RCAN2: variants seen among roughly 807,000 people sequenced by gnomAD.
RCAN2 encodes calcipressin-2.
Under a neutral mutation model 23.6 loss-of-function variants are expected in RCAN2, and 9 were observed. That is an observed-to-expected ratio of 0.38 (90% CI 0.23 to 0.67). RCAN2 has a LOEUF of 0.67. Among genes scored for constraint, RCAN2 ranks in the 30% least tolerant of loss-of-function variants. The pLI is 0.51. For missense variants in RCAN2, 273 were observed against 302.3 expected (o/e 0.90, Z 0.72); for synonymous variants, 109 against 115.7 (o/e 0.94, Z 0.37).
intron 2 of RCAN2, among the ~76,000 whole-genome samples, chr6:46,280,841 G>C (rs149621560): frequency 0.013 from 1,978 of 152,234 alleles, 43 homozygotes; most frequent in African/African-American, 0.045. Flanking sequence ...GAGGTATGTG[G>C]ACACACATGC....
Position 46,379,631 on chromosome 6 carries a change from T to G in RCAN2, c.225+77121A>C, listed in dbSNP as rs1472388582. On this transcript the variant is annotated intron_variant, in intron 2 of 4. Coordinates refer to ENST00000371374, the MANE Select transcript of RCAN2 (RefSeq NM_001251974.2). ...TAAATGAAATGATGTTTGGGGGATT[T>G]GAACAATCATCTCATGATTTAAGCC... Among the ~76,000 whole-genome samples, 7 of 152,316 alleles carry G rather than the reference T, an allele frequency of 4.6e-5. No homozygotes were observed. The East Asian group carries it at 1.2e-3, about 25-fold the overall frequency.
intron 2 of RCAN2, among the ~76,000 whole-genome samples, chr6:46,260,585 T>G (rs1306358568): frequency 6.6e-6 from 1 of 152,196 alleles, no homozygotes; most frequent in South Asian, 2.1e-4. Flanking sequence ...CCTAGGGCTC[T>G]TGTTGTTCTG....
At chr6:46,265,829 G>A (rs1283188272) in intron 2 of RCAN2, among the ~76,000 whole-genome samples, 1 of 151,504 alleles carries the variant, frequency 6.6e-6, no homozygotes, top group Non-Finnish European at 1.5e-5. Context: ...TTTACAAAAT[G>A]ATTCTAGTTA....
chr6:46,244,364 G>A (rs973932475), intron 4 of RCAN2, among the ~76,000 whole-genome samples: 3 of 151,752 alleles, frequency 2.0e-5, no homozygotes, highest in African/African-American at 7.3e-5. Context: ...TCCCTTCCGG[G>A]GCCTAATTTC....
intron 2 of RCAN2, among the ~76,000 whole-genome samples, chr6:46,270,103 T>C (rs1767475822): frequency 6.6e-6 from 1 of 152,066 alleles, no homozygotes; most frequent in East Asian, 1.9e-4. Flanking sequence ...CACTACACCC[T>C]GGATGGGAAG....
intron 2 of RCAN2, among the ~76,000 whole-genome samples, chr6:46,274,312 C>A (rs544161840): frequency 6.6e-6 from 1 of 152,196 alleles, no homozygotes; most frequent in Non-Finnish European, 1.5e-5. Flanking sequence ...AGGTCATCTA[C>A]TGCCTCAACT....
intron 2 of RCAN2, among the ~76,000 whole-genome samples, chr6:46,420,231 C>T (rs976699524): frequency 1.3e-5 from 2 of 151,450 alleles, no homozygotes; most frequent in Non-Finnish European, 2.9e-5. Context: ...TAGTTATCAT[C>T]GTATCACTAA....
intron 2 of RCAN2, among the ~76,000 whole-genome samples, chr6:46,406,964 C>A (rs1226601091): frequency 3.3e-5 from 5 of 152,184 alleles, no homozygotes; most frequent in Non-Finnish European, 5.9e-5. Flanking sequence ...CTGGTCCCTC[C>A]AGACCTTTCC....
At chr6:46,345,036 AT>A (rs1300177225) in intron 2 of RCAN2, among the ~76,000 whole-genome samples, 1 of 152,088 alleles carries the variant, frequency 6.6e-6, no homozygotes, top group Non-Finnish European at 1.5e-5. Flanking sequence ...CATATTTTAA[AT>A]CTAAAGACAC....
intron 2 of RCAN2, among the ~76,000 whole-genome samples, chr6:46,383,107 A>C (rs1274662579): frequency 6.6e-6 from 1 of 152,058 alleles, no homozygotes; most frequent in Non-Finnish European, 1.5e-5. Flanking sequence ...TAAAAGTGAT[A>C]AGAGTAGAGA....
chr6:46,263,513 A>ATGTGTGTGTGTG (rs1267211253), intron 2 of RCAN2, among the ~76,000 whole-genome samples: 9 of 56,328 alleles, frequency 1.6e-4, no homozygotes, highest in East Asian at 4.9e-4. Flanking sequence ...ATGTGTGTGT[A>ATGTGTGTGTGTG]TGTGTGTATG....
At chr6:46,488,292 C>T (rs60870678) in intron 1 of RCAN2, among the ~76,000 whole-genome samples, 19,799 of 152,236 alleles carry the variant, frequency 0.13, 1,941 homozygotes, top group African/African-American at 0.24. Flanking sequence ...TCTTGTCAGT[C>T]ATCTGAGAAT....
intron 2 of RCAN2, among the ~76,000 whole-genome samples, chr6:46,385,483 C>T (rs1274190078): frequency 1.3e-5 from 2 of 152,136 alleles, no homozygotes; most frequent in African/African-American, 4.8e-5. Flanking sequence ...GCTGGGAAAA[C>T]GGGCTAGCCA....
chr6:46,408,872 C>T (rs1766480009), intron 2 of RCAN2, among the ~76,000 whole-genome samples: 1 of 152,098 alleles, frequency 6.6e-6, no homozygotes, highest in East Asian at 1.9e-4. Flanking sequence ...CTGTTTACTC[C>T]TACACATTGT....
At chr6:46,419,738 G>C (rs188105084) in intron 2 of RCAN2, among the ~76,000 whole-genome samples, 19 of 152,270 alleles carry the variant, frequency 1.2e-4, no homozygotes, top group Admixed American at 3.3e-4. Context: ...ATGAAGACCA[G>C]CAGATGGCAG....
At chr6:46,240,963 T>C (rs980395828) in intron 4 of RCAN2, among the ~76,000 whole-genome samples, 8 of 152,166 alleles carry the variant, frequency 5.3e-5, no homozygotes, top group African/African-American at 1.2e-4. Context: ...CTAAAATTGA[T>C]CTTCCTAACA....
chr6:46,270,315 T>C (rs1767482058), intron 2 of RCAN2, among the ~76,000 whole-genome samples: 1 of 152,146 alleles, frequency 6.6e-6, no homozygotes, highest in African/African-American at 2.4e-5. Context: ...TGAGGGGCAA[T>C]GGGCCTCCGC....
At chr6:46,450,204 CT>C (rs1355023999) in intron 2 of RCAN2, among the ~76,000 whole-genome samples, 1 of 151,908 alleles carries the variant, frequency 6.6e-6, no homozygotes, top group Non-Finnish European at 1.5e-5. Context: ...TTAAAAAGTA[CT>C]CAACTATGCT....
At chr6:46,437,200 A>G (rs776028480) in intron 2 of RCAN2, among the ~76,000 whole-genome samples, 2 of 152,166 alleles carry the variant, frequency 1.3e-5, no homozygotes, top group Non-Finnish European at 2.9e-5. Context: ...CTCCACATTG[A>G]CCCATAATGT....
Sources: allele counts gnomAD v4.1 joint callset (sites outside exome capture counted in the v4.1 genomes callset), GRCh38; gene constraint gnomAD v4.1.1; transcripts MANE v1.5; gene names NCBI Gene and HGNC (gene_info 2026-07-23, HGNC 2026-07-21).